UBL3: variants seen among roughly 807,000 people sequenced by gnomAD.
UBL3 encodes the protein ubiquitin-like protein 3.
A neutral mutation model predicts 18.4 loss-of-function variants in UBL3; 6 were observed. The observed-to-expected ratio is 0.33, with a 90% confidence interval of 0.18 to 0.64. The LOEUF is 0.64. Ranked by LOEUF, UBL3 falls within the 30% of genes least tolerant of loss-of-function variation. The pLI is 0.76. For missense variants in UBL3, 109 were observed against 142.9 expected (o/e 0.76, Z 1.21); for synonymous variants, 49 against 46.6 (o/e 1.05, Z -0.21).
At chr13:29,847,021 A>G (rs552584061) in intron 1 of UBL3, among the ~76,000 whole-genome samples, 1 of 152,354 alleles carries the variant, frequency 6.6e-6, no homozygotes, top group East Asian at 1.9e-4. Flanking sequence ...AATGTAAACT[A>G]AAATCAATTG....
At chr13:29,810,414 A>G (rs1878029801) in intron 1 of UBL3, among the ~76,000 whole-genome samples, 1 of 152,066 alleles carries the variant, frequency 6.6e-6, no homozygotes, top group African/African-American at 2.4e-5. Flanking sequence ...GCAAATAAAG[A>G]GTTGGCCAAA....
At position 29,767,241 on chromosome 13, in the gene UBL3, T is replaced by C. The variant is rs776424564; in HGVS notation, c.*14A>G. 1.2e-5 allele frequency: 19 copies of C among 1,612,708 alleles called. No individual in the cohort carries two copies. Among genetic ancestry groups the C allele is most frequent in the Non-Finnish European group, 1.6e-5 (19 of 1,179,084 alleles). ...AGACAAAGACTATATCACATCACAC[T>C]AGGCAGACAGTGTTTACAGGATTAC... is the stretch of plus-strand genomic sequence containing the variant. On this transcript the variant is annotated 3_prime_UTR_variant, in exon 5 of 5. Transcript: ENST00000380680.
In UBL3 at chr13:29,839,153, A is replaced by T. The variant is rs985816284; in HGVS notation, c.27+10359T>A. On this transcript the variant is annotated intron_variant, in intron 1 of 4. Coordinates refer to ENST00000380680, the MANE Select transcript of UBL3 (RefSeq NM_007106.4). Reference sequence around the variant, plus strand: ...TGAGTGATTTAAAAAAGACAAAAAAAGTCAAGTGTGATACAATAGATTGAA... The same window carrying T: ...TGAGTGATTTAAAAAAGACAAAAAATGTCAAGTGTGATACAATAGATTGAA... Among the ~76,000 whole-genome samples the T allele has an allele frequency of 5.3e-5, 8 of 152,326 alleles. No homozygotes were observed. In the South Asian group the frequency reaches 1.7e-3, roughly 32 times the overall value.
chr13:29,779,455 TCTTAAAATTTTTTAAG>T (rs1440711762), intron 1 of UBL3, among the ~76,000 whole-genome samples: 1 of 152,198 alleles, frequency 6.6e-6, no homozygotes, highest in African/African-American at 2.4e-5. Context: ...ACTTAATACT[TCTTAAAATTTTTTAAG>T]CTTAAAATTA....
intron 1 of UBL3, among the ~76,000 whole-genome samples, chr13:29,809,948 C>A (rs981475187): frequency 6.6e-6 from 1 of 151,932 alleles, no homozygotes; most frequent in Non-Finnish European, 1.5e-5. Flanking sequence ...GTTCAGACTG[C>A]AGAAAATTCA....
chr13:29,781,388 G>A (rs957806529), intron 1 of UBL3, among the ~76,000 whole-genome samples: 2 of 152,010 alleles, frequency 1.3e-5, no homozygotes, highest in Non-Finnish European at 2.9e-5. Context: ...TTCACATTAA[G>A]TCTGTATTAC....
chr13:29,780,899 C>T (rs1390341804), intron 1 of UBL3, among the ~76,000 whole-genome samples: 1 of 152,252 alleles, frequency 6.6e-6, no homozygotes, highest in Middle Eastern at 3.4e-3. Context: ...GCTAGCCAGG[C>T]GCGGTGGCTC....
At chr13:29,835,032 T>C (rs1237598500) in intron 1 of UBL3, among the ~76,000 whole-genome samples, 1 of 143,960 alleles carries the variant, frequency 6.9e-6, no homozygotes, top group Admixed American at 7.2e-5. Context: ...AAATCTACTA[T>C]ACAAAAGGCA....
chr13:29,818,656 T>C (rs1002637866), intron 1 of UBL3, among the ~76,000 whole-genome samples: 1 of 152,208 alleles, frequency 6.6e-6, no homozygotes, highest in Non-Finnish European at 1.5e-5. Flanking sequence ...ACAAGTGTGC[T>C]TGCACTTCAC....
At chr13:29,790,692 T>C (rs1877459158) in intron 1 of UBL3, among the ~76,000 whole-genome samples, 2 of 152,300 alleles carry the variant, frequency 1.3e-5, no homozygotes, top group South Asian at 4.1e-4. Context: ...ATTCTTGCAG[T>C]GAATGAGTAT....
intron 1 of UBL3, among the ~76,000 whole-genome samples, chr13:29,839,834 G>T (rs928032469): frequency 6.6e-6 from 1 of 151,744 alleles, no homozygotes; most frequent in Non-Finnish European, 1.5e-5. Flanking sequence ...GGCTGAGGCA[G>T]GAGAATGGCG....
chr13:29,836,761 C>G lies in UBL3; in HGVS notation c.27+12751G>C, dbSNP rs565121788. Among the ~76,000 whole-genome samples the G allele has an allele frequency of 5.3e-5, 8 of 152,176 alleles. No individual in the cohort carries two copies. In the East Asian group the frequency reaches 9.6e-4, roughly 18 times the overall value. ...AGGATCTCAGGAAAATAAAAAGGAA[C>G]CTCAAAGAAAGGGGCCCAATATTCT... On this transcript the variant is annotated intron_variant, in intron 1 of 4. Transcript: ENST00000380680.
chr13:29,797,599 T>A lies in UBL3; in HGVS notation c.28-20336A>T, dbSNP rs372886954. Among the ~76,000 whole-genome samples the A allele has an allele frequency of 3.8e-4, 58 of 152,274 alleles. No individual in the cohort carries two copies. In the South Asian group the frequency reaches 0.012, roughly 30 times the overall value. On this transcript the variant is annotated intron_variant, in intron 1 of 4. Coordinates refer to ENST00000380680, the MANE Select transcript of UBL3 (RefSeq NM_007106.4). The stretch of plus-strand genomic sequence containing the variant: ...TTTGACATTACATACATTACCTACA[T>A]GCATTTGGGAGGCACATTACGTAAG...
chr13:29,767,719 T>G, intron 3 of UBL3, 24 bp from the exon 4 acceptor site: 1 of 1,595,392 alleles, frequency 6.3e-7, no homozygotes, highest in Non-Finnish European at 8.6e-7. Flanking sequence ...AAAAGATGAT[T>G]AGTTACACAT....
chr13:29,835,079 T>A (rs1330954385), intron 1 of UBL3, among the ~76,000 whole-genome samples: 1 of 88,408 alleles, frequency 1.1e-5, no homozygotes, highest in African/African-American at 5.9e-5. Flanking sequence ...AAATAAAATA[T>A]ATAAATATAA....
intron 1 of UBL3, among the ~76,000 whole-genome samples, chr13:29,847,235 T>C (rs556736773): frequency 1.6e-4 from 24 of 152,300 alleles, no homozygotes; most frequent in Admixed American, 4.6e-4. Context: ...TCTAACCAGT[T>C]GAACAGTAGA....
chr13:29,843,969 G>C (rs1879171835), intron 1 of UBL3, among the ~76,000 whole-genome samples: 1 of 152,206 alleles, frequency 6.6e-6, no homozygotes, highest in African/African-American at 2.4e-5. Context: ...AAAAATGTGT[G>C]ATTAATCTTT....
intron 1 of UBL3, among the ~76,000 whole-genome samples, chr13:29,810,273 G>A (rs867840150): frequency 6.6e-6 from 1 of 152,056 alleles, no homozygotes; most frequent in South Asian, 2.1e-4. Context: ...GAGATTGTCT[G>A]GGCTAGAAAT....
At chr13:29,829,184 C>T (rs1193145018) in intron 1 of UBL3, among the ~76,000 whole-genome samples, 8 of 152,150 alleles carry the variant, frequency 5.3e-5, no homozygotes, top group South Asian at 2.1e-4. Flanking sequence ...TCTGAAACTC[C>T]GTGCTGGGAG....
Sources: gnomAD v4.1 joint callset for allele counts (sites outside exome capture counted in the v4.1 genomes callset) on GRCh38, gnomAD v4.1.1 for gene constraint, MANE v1.5 for transcripts, NCBI Gene and HGNC (gene_info 2026-07-23, HGNC 2026-07-21) for gene names.